APBB1IP: variants seen among roughly 807,000 people sequenced by gnomAD.
The protein encoded by APBB1IP is amyloid beta A4 precursor protein-binding family B member 1-interacting protein.
Under a neutral mutation model 64.9 loss-of-function variants are expected in APBB1IP, and 27 were observed. The observed-to-expected ratio is 0.42, with a 90% confidence interval of 0.31 to 0.57. The LOEUF (loss-of-function observed/expected upper bound fraction) is 0.57, where lower values mean the gene tolerates loss of function less well. Ranked by LOEUF, APBB1IP falls within the 20% of genes least tolerant of loss-of-function variation. The probability of loss-of-function intolerance (pLI) is 0.20; values close to 1 mark genes in which losing one functional copy is unlikely to be tolerated. For synonymous variants in APBB1IP, 392 were observed against 331.0 expected, an observed-to-expected ratio of 1.18 and a Z score of -2.00; for missense variants, 812 against 845.5, an observed-to-expected ratio of 0.96 and a Z score of 0.49.
At chr10:26,455,662 AT>A (rs1301646002) in intron 2 of APBB1IP, among the ~76,000 whole-genome samples, 5 of 151,916 alleles carry the variant, frequency 3.3e-5, no homozygotes, top group Non-Finnish European at 7.4e-5. Flanking sequence ...ATGTCTGCTG[AT>A]TCAGCTGTTT....
Position 26,562,401 on chromosome 10 carries a change from A to T in APBB1IP, c.1445A>T (p.Glu482Val), listed in dbSNP as rs1383170056. The change falls in exon 14 of 15, where the codon GAG (glutamate) becomes GTG (valine). Residue 482 changes from glutamate (E) to valine (V), a missense_variant. Transcript: ENST00000376236. ...CATTCTGTCAGTGCTGTTCTCCAAG[A>T]GGCCCAGAGACATGCTGAAACATCG... ...ATHSVSAVLQEAQRHAETSKD... is the reference protein window; with the variant it reads ...ATHSVSAVLQVAQRHAETSKD... The T allele has an allele frequency of 6.2e-7, 1 of 1,613,962 alleles. No individual in the cohort carries two copies. Among genetic ancestry groups the T allele is most frequent in the African/African-American group, 1.3e-5 (1 of 75,032 alleles).
intron 2 of APBB1IP, among the ~76,000 whole-genome samples, chr10:26,461,319 A>C (rs1487672839): frequency 6.6e-6 from 1 of 152,196 alleles, no homozygotes; most frequent in Non-Finnish European, 1.5e-5. Context: ...TAGGGATCTG[A>C]CTTTATTTCT....
At chr10:26,517,583 G>A (rs1048152359) in intron 8 of APBB1IP, among the ~76,000 whole-genome samples, 1 of 152,192 alleles carries the variant, frequency 6.6e-6, no homozygotes, top group Non-Finnish European at 1.5e-5. Flanking sequence ...GGAAACACAG[G>A]CACAGGCCAT....
intron 2 of APBB1IP, among the ~76,000 whole-genome samples, chr10:26,482,188 C>T (rs949916518): frequency 6.6e-6 from 1 of 152,166 alleles, no homozygotes; most frequent in Non-Finnish European, 1.5e-5. Context: ...TTTCACCGAT[C>T]TCAGGGGTAC....
rs555571450 is a variant in APBB1IP at position 26,551,133 on chromosome 10, A to G, written c.1156-8972A>G. Among the ~76,000 whole-genome samples the G allele has an allele frequency of 2.8e-4, 43 of 152,280 alleles. No homozygotes were observed. In the South Asian group the frequency reaches 8.9e-3, roughly 32 times the overall value. On this transcript the variant is annotated intron_variant, in intron 11 of 14. Coordinates refer to ENST00000376236, the MANE Select transcript of APBB1IP (RefSeq NM_019043.4). ...AACAGCCCATCTGGTGTATCATCACATCTGGCAGGGAAGGTGAGCCACTGC... is the reference window on the plus strand; with the variant it reads ...AACAGCCCATCTGGTGTATCATCACGTCTGGCAGGGAAGGTGAGCCACTGC...
intron 8 of APBB1IP, among the ~76,000 whole-genome samples, chr10:26,518,326 C>T (rs1272658793): frequency 6.6e-6 from 1 of 151,604 alleles, no homozygotes; most frequent in Non-Finnish European, 1.5e-5. Flanking sequence ...CAGCTCACTG[C>T]AACCTCCACC....
At chr10:26,553,033 T>C (rs998784328) in intron 11 of APBB1IP, among the ~76,000 whole-genome samples, 22 of 152,070 alleles carry the variant, frequency 1.4e-4, no homozygotes, top group Non-Finnish European at 3.1e-4. Context: ...TTTTTTTTTC[T>C]TTTTTTGAGA....
chr10:26,567,197 G>T lies in APBB1IP; in HGVS notation c.1710G>T (p.Pro570=). The change falls in exon 15 of 15, where the codon CCG becomes CCT. Residue 570 remains proline, a synonymous_variant. Transcript: ENST00000376236. The stretch of plus-strand genomic sequence containing the variant: ...CCCTCGATGACCCTGAGCTCCCGCC[G>T]CCGCCCCCGGACTTCATGGAGCCGC... ...PPPLDDPELP[P]PPPDFMEPPP... is the part of the protein sequence containing the mutation. 1 of 1,385,790 alleles carries T rather than the reference G, an allele frequency of 7.2e-7. No homozygotes were observed. The highest frequency in any genetic ancestry group is 3.4e-5 in the East Asian group (1 of 29,618). The allele number at this position is 1,385,790 out of a possible 1,614,324, so 85.8% of individuals were successfully genotyped here. A position where few individuals can be genotyped will look rare whatever the true frequency, so the allele number is the denominator to read the frequency against.
chr10:26,491,240 C>T (rs1158760547), intron 2 of APBB1IP, among the ~76,000 whole-genome samples: 1 of 151,636 alleles, frequency 6.6e-6, no homozygotes, highest in African/African-American at 2.4e-5. Flanking sequence ...GATTGCACCA[C>T]TCACTCCAGC....
chr10:26,547,030 C>G (rs1242673344), intron 11 of APBB1IP, among the ~76,000 whole-genome samples: 1 of 152,166 alleles, frequency 6.6e-6, no homozygotes, highest in Non-Finnish European at 1.5e-5. Flanking sequence ...CATAAGAGTT[C>G]TTGTTTTTCC....
intron 9 of APBB1IP, among the ~76,000 whole-genome samples, chr10:26,535,083 A>G (rs776437667): frequency 1.3e-5 from 2 of 152,160 alleles, no homozygotes; most frequent in Non-Finnish European, 2.9e-5. Context: ...AAGTTTGACT[A>G]TTTGAATTGT....
At chr10:26,481,219 A>G (rs931070660) in intron 2 of APBB1IP, among the ~76,000 whole-genome samples, 1 of 151,952 alleles carries the variant, frequency 6.6e-6, no homozygotes, top group African/African-American at 2.4e-5. Flanking sequence ...ATATGTGCTG[A>G]CCTCTGTTGT....
At chr10:26,558,908 G>A (rs1326885774) in intron 11 of APBB1IP, among the ~76,000 whole-genome samples, 2 of 152,152 alleles carry the variant, frequency 1.3e-5, no homozygotes, top group African/African-American at 4.8e-5. Flanking sequence ...TTCAGCAACC[G>A]GAACCATTGC....
intron 8 of APBB1IP, among the ~76,000 whole-genome samples, chr10:26,527,213 G>A (rs1836485749): frequency 6.6e-6 from 1 of 152,208 alleles, no homozygotes; most frequent in African/African-American, 2.4e-5. Flanking sequence ...TCACCAGCCA[G>A]TGTGGGCGTG....
chr10:26,439,055 C>T (rs1564344592), intron 2 of APBB1IP, among the ~76,000 whole-genome samples: 1 of 152,154 alleles, frequency 6.6e-6, no homozygotes, highest in South Asian at 2.1e-4. Flanking sequence ...ACTCTGGACC[C>T]GGCTCGCGAG....
intron 4 of APBB1IP, among the ~76,000 whole-genome samples, 164 bp from the exon 5 acceptor site, chr10:26,500,655 C>T (rs1564361901): frequency 6.6e-6 from 1 of 152,164 alleles, no homozygotes; most frequent in East Asian, 1.9e-4. Flanking sequence ...TTAGGAATTC[C>T]TACGCTTGTG....
chr10:26,561,171 C>CCGTTCT (rs1453035148), intron 13 of APBB1IP, among the ~76,000 whole-genome samples: 1 of 142,486 alleles, frequency 7.0e-6, no homozygotes, highest in African/African-American at 2.6e-5. Flanking sequence ...TGGGTTCACA[C>CCGTTCT]CGTTCTCCTG....
At chr10:26,488,082 T>G (rs1835913025) in intron 2 of APBB1IP, among the ~76,000 whole-genome samples, 1 of 152,212 alleles carries the variant, frequency 6.6e-6, no homozygotes, top group Non-Finnish European at 1.5e-5. Context: ...CATGAGCAGT[T>G]CTGGAATTTT....
rs1835865924 is a variant in APBB1IP at position 26,484,156 on chromosome 10, AATAAT to A, written c.1-8168_1-8164del. Among the ~76,000 whole-genome samples the A allele has an allele frequency of 1.3e-5, 2 of 152,220 alleles. 1 individual carries two copies. Among genetic ancestry groups the A allele is most frequent in the African/African-American group, 4.8e-5 (2 of 41,456 alleles). ...CAGATAAGCTCCTTATAAAAATGTA[AATAAT>A]ATGAGTTTCTTCATTGTATTGACAC... is the stretch of plus-strand genomic sequence containing the variant. On this transcript the variant is annotated intron_variant, in intron 2 of 14. Coordinates refer to ENST00000376236, the MANE Select transcript of APBB1IP (RefSeq NM_019043.4).
Sources: gnomAD v4.1 joint callset for allele counts (sites outside exome capture counted in the v4.1 genomes callset) on GRCh38, gnomAD v4.1.1 for gene constraint, MANE v1.5 for transcripts, NCBI Gene and HGNC (gene_info 2026-07-23, HGNC 2026-07-21) for gene names.